DNAH7: variants seen among roughly 807,000 people sequenced by gnomAD.
DNAH7 encodes the protein dynein axonemal heavy chain 7, also known as axonemal beta dynein heavy chain 7.
A neutral mutation model predicts 444.6 loss-of-function variants in DNAH7; 397 were observed. The observed-to-expected ratio is 0.89, with a 90% CI of 0.82 to 0.97. The LOEUF is 0.97. Ranked by LOEUF, DNAH7 falls within the 50% of genes least tolerant of loss-of-function variation. The pLI, the probability that DNAH7 is intolerant of heterozygous loss-of-function variation, is 0.00. For synonymous variants in DNAH7, 1,636 were observed against 1,624.4 expected (o/e 1.01, Z -0.17); for missense variants, 4,902 against 4,800.8 (o/e 1.02, Z -0.62).
At chr2:195,859,796 C>T (rs986235773) in intron 42 of DNAH7, among the ~76,000 whole-genome samples, 1 of 152,146 alleles carries the variant, frequency 6.6e-6, no homozygotes, top group African/African-American at 2.4e-5. Flanking sequence ...TTGGTTTCAG[C>T]TGAAACCTTG....
chr2:196,022,916 G>A (rs1348888032), intron 8 of DNAH7, among the ~76,000 whole-genome samples: 2 of 152,160 alleles, frequency 1.3e-5, no homozygotes, highest in East Asian at 1.9e-4. Context: ...GATTCAGGGG[G>A]TTTAGGTGCA....
intron 31 of DNAH7, 86 bp from the exon 32 acceptor site, chr2:195,889,067 A>T (rs1230627811): frequency 1.6e-6 from 2 of 1,256,938 alleles, no homozygotes; most frequent in Non-Finnish European, 2.2e-6. Flanking sequence ...TCAAAATTTT[A>T]AAATATAAGT....
At chr2:196,027,816 G>T (rs1025688820) in intron 6 of DNAH7, 144 bp downstream of exon 6, 3 of 609,304 alleles carry the variant, frequency 4.9e-6, no homozygotes, top group Non-Finnish European at 7.8e-6. Flanking sequence ...AAATCCCATG[G>T]TGCCTTTTTA....
intron 27 of DNAH7, chr2:195,901,101 T>C (rs1686677653): frequency 6.6e-6 from 1 of 152,182 alleles, no homozygotes; most frequent in Non-Finnish European, 1.5e-5. Context: ...CCATTAATAA[T>C]AATGTATTAT....
chr2:195,950,851 C>CAAAAAAAAAAAAAAAAAAAAAAA (rs67782183), intron 19 of DNAH7, among the ~76,000 whole-genome samples: 1 of 36,716 alleles, frequency 2.7e-5, no homozygotes, highest in African/African-American at 9.5e-5. Flanking sequence ...GACTCTGTCT[C>CAAAAAAAAAAAAAAAAAAAAAAA]AAAAAAAAAA....
intron 2 of DNAH7, among the ~76,000 whole-genome samples, chr2:196,052,394 C>G (rs564061171): frequency 7.7e-4 from 117 of 152,310 alleles, no homozygotes; most frequent in Non-Finnish European, 1.4e-3. Context: ...TGCGGCTCCT[C>G]TGAAGTGAGA....
rs780505382 is a variant in DNAH7, at chr2:195,737,983, CAGAGGGA to C, written c.12006_12012del (p.Pro4003ThrfsTer12). On this transcript the variant is annotated frameshift_variant, in exon 65 of 65. Coordinates refer to ENST00000312428, the MANE Select transcript of DNAH7 (RefSeq NM_018897.3). LOFTEE classifies it high-confidence loss of function. ...CCAATCCAGTGTTCCTTGGGTTGGT[CAGAGGGA>C]AGAGTCATGGCAATCACAAAATTCG... is the stretch of plus-strand genomic sequence containing the variant. 3.1e-6 allele frequency: 5 copies of C among 1,614,078 alleles called. No homozygotes were observed. The South Asian group carries it at 5.5e-5, about 18-fold the overall frequency.
chr2:195,763,885 T>C (rs1694456107), intron 61 of DNAH7, among the ~76,000 whole-genome samples: 1 of 151,884 alleles, frequency 6.6e-6, no homozygotes, highest in Non-Finnish European at 1.5e-5. Context: ...CCATGAGGCC[T>C]GTATTACTTT....
chr2:195,777,495 T>G (rs1312843079), intron 59 of DNAH7, among the ~76,000 whole-genome samples: 2 of 152,226 alleles, frequency 1.3e-5, no homozygotes, highest in African/African-American at 2.4e-5. Context: ...CCATCTCTTA[T>G]GTATTTTCAT....
At chr2:195,821,591 G>A (rs75363482) in intron 49 of DNAH7, among the ~76,000 whole-genome samples, 3,414 of 152,292 alleles carry the variant, frequency 0.022, 54 homozygotes, top group Non-Finnish European at 0.03. Flanking sequence ...CAGGAGAAAC[G>A]ATTTAGAAGA....
chr2:195,738,836 C>T (rs1256823706), intron 64 of DNAH7, among the ~76,000 whole-genome samples: 1 of 152,134 alleles, frequency 6.6e-6, no homozygotes, highest in East Asian at 1.9e-4. Context: ...GATGATAGGA[C>T]TTGACAGCCC....
intron 12 of DNAH7, chr2:195,999,060 C>G: frequency 1.4e-6 from 1 of 711,290 alleles, no homozygotes; most frequent in Non-Finnish European, 2.6e-6. Context: ...TGCCAGGAAA[C>G]AAAGCCTCAA....
intron 52 of DNAH7, 85 bp from the exon 53 acceptor site, chr2:195,808,961 G>C (rs758902665): frequency 6.7e-6 from 8 of 1,186,496 alleles, no homozygotes; most frequent in Non-Finnish European, 9.3e-6. Context: ...AGAGTTGAGT[G>C]TTGACTTCCA....
intron 12 of DNAH7, chr2:195,994,515 G>A: frequency 2.0e-6 from 1 of 488,914 alleles, no homozygotes. Flanking sequence ...CAAGTCGTTG[G>A]AATTGGGTTT....
In DNAH7 at chr2:195,926,531, A is replaced by C. The variant is rs1688346558; in HGVS notation, c.3507T>G (p.Tyr1169Ter). Residue 1169 changes from tyrosine to a stop codon, truncating the protein, a stop_gained, in exon 22 of 65, where the codon TAT becomes TAG. Transcript: ENST00000312428. LOFTEE classifies it high-confidence loss of function. ...TGDATFAYTK[Y>*]ERINWVRDWP... is the part of the protein sequence containing the mutation. ...AATCCCTTACCCAGTTAATTCGTTC[A>C]TATTTTGTATAGGCAAAAGTTGCAT... 5 of 1,602,230 alleles carry C rather than the reference A, an allele frequency of 3.1e-6. No homozygotes were observed. The highest frequency in any genetic ancestry group is 4.3e-6 in the Non-Finnish European group (5 of 1,175,616).
intron 40 of DNAH7, among the ~76,000 whole-genome samples, chr2:195,871,895 C>A (rs1232728791): frequency 8.6e-6 from 1 of 116,014 alleles, no homozygotes; most frequent in Non-Finnish European, 1.6e-5. Context: ...CCCGCCACTG[C>A]ACTCCAGCCT....
intron 3 of DNAH7, among the ~76,000 whole-genome samples, chr2:196,048,702 C>G (rs1489691219): frequency 2.0e-5 from 3 of 152,170 alleles, no homozygotes; most frequent in African/African-American, 7.2e-5. Context: ...GTCTTTAAAC[C>G]TTCTATTTTA....
At chr2:196,003,362 T>C (rs1439616454) in intron 10 of DNAH7, among the ~76,000 whole-genome samples, 1 of 152,094 alleles carries the variant, frequency 6.6e-6, no homozygotes, top group Non-Finnish European at 1.5e-5. Flanking sequence ...TAAGTTTAGG[T>C]CTGCAGAACT....
At chr2:196,056,170 C>T (rs536967341) in intron 2 of DNAH7, among the ~76,000 whole-genome samples, 4 of 152,152 alleles carry the variant, frequency 2.6e-5, no homozygotes, top group African/African-American at 4.8e-5. Context: ...TGTGGCCGGG[C>T]GCAGTGGTTC....
Sources: allele counts gnomAD v4.1 joint callset (sites outside exome capture counted in the v4.1 genomes callset), GRCh38; gene constraint gnomAD v4.1.1; transcripts MANE v1.5; gene names NCBI Gene and HGNC (gene_info 2026-07-23, HGNC 2026-07-21).